Variants in BBS9 observed in about 807,000 individuals in gnomAD.
BBS9 encodes protein PTHB1.
BBS9 carries 89 observed loss-of-function variants against 117.7 expected under a neutral mutation model. The ratio of observed to expected loss-of-function variants is 0.76; its 90% CI spans 0.64 to 0.90. The LOEUF (loss-of-function observed/expected upper bound fraction) is 0.90. BBS9 is among the 40% of genes least tolerant of loss of function. BBS9 has a pLI of 0.00. For synonymous variants in BBS9, 379 were observed against 370.9 expected (o/e 1.02, Z -0.25); for missense variants, 982 against 1,042.2 (o/e 0.94, Z 0.80).
chr7:33,198,983 C>G (rs1326096245), intron 5 of BBS9, among the ~76,000 whole-genome samples: 1 of 151,944 alleles, frequency 6.6e-6, no homozygotes, highest in African/African-American at 2.4e-5. Context: ...TAACTTTTGC[C>G]TTTCAATGAA....
chr7:33,239,061 T>C lies in BBS9; in HGVS notation c.443-18175T>C, dbSNP rs570157264. On this transcript the variant is annotated intron_variant, in intron 5 of 22. Transcript: ENST00000242067. ...GACGCATACTTTAAATTGTCTTATG[T>C]CACAGAGATGGGCTTAATTTATGTT... is the stretch of plus-strand genomic sequence containing the variant. Among the ~76,000 whole-genome samples the C allele has an allele frequency of 1.5e-3, 229 of 152,322 alleles. 1 individual carries two copies. Among genetic ancestry groups the C allele is most frequent in the African/African-American group, 5.2e-3 (216 of 41,574 alleles).
chr7:33,437,984 A>C lies in BBS9; in HGVS notation c.2115+49840A>C, dbSNP rs534631076. On this transcript the variant is annotated intron_variant, in intron 19 of 22. Coordinates refer to ENST00000242067, the MANE Select transcript of BBS9 (RefSeq NM_198428.3). ...CATGGTGTTAAGTTTTGAAATATAG[A>C]AATGAAAAACACATAGGCTCTCTTT... 1.4e-4 allele frequency among the ~76,000 whole-genome samples: 21 copies of C among 152,330 alleles called. 1 individual carries two copies. In the South Asian group the frequency reaches 4.4e-3, roughly 32 times the overall value.
intron 19 of BBS9, among the ~76,000 whole-genome samples, chr7:33,476,124 T>C (rs1410743491): frequency 6.6e-6 from 1 of 152,242 alleles, no homozygotes; most frequent in East Asian, 1.9e-4. Flanking sequence ...TATAACATTT[T>C]GTAAAATTCT....
intron 21 of BBS9, among the ~76,000 whole-genome samples, chr7:33,545,923 C>A (rs1853263789): frequency 9.4e-6 from 1 of 106,858 alleles, no homozygotes; most frequent in Non-Finnish European, 1.8e-5. Flanking sequence ...GCTTTATAAT[C>A]CTTTTTTTTT....
intron 19 of BBS9, among the ~76,000 whole-genome samples, chr7:33,407,980 A>T (rs1257393512): frequency 1.3e-5 from 2 of 152,182 alleles, no homozygotes; most frequent in African/African-American, 2.4e-5. Flanking sequence ...TCAGACAGGG[A>T]CATTTAAGTC....
chr7:33,559,303 C>A (rs1462979129), intron 21 of BBS9, among the ~76,000 whole-genome samples: 1 of 152,144 alleles, frequency 6.6e-6, no homozygotes, highest in East Asian at 1.9e-4. Flanking sequence ...AAGTGGAACT[C>A]TGTAACTCTT....
intron 9 of BBS9, among the ~76,000 whole-genome samples, chr7:33,332,421 G>A (rs1563012176): frequency 6.6e-6 from 1 of 152,214 alleles, no homozygotes; most frequent in Admixed American, 6.5e-5. Flanking sequence ...GCTCACGCCT[G>A]TAATCCCAGC....
chr7:33,401,343 C>T (rs1399860264), intron 19 of BBS9, among the ~76,000 whole-genome samples: 3 of 152,114 alleles, frequency 2.0e-5, no homozygotes, highest in East Asian at 3.8e-4. Context: ...TGCCTGTTGA[C>T]AAAAAGAATC....
chr7:33,155,777 T>C, intron 4 of BBS9, 75 bp downstream of exon 4: 1 of 826,000 alleles, frequency 1.2e-6, no homozygotes, highest in South Asian at 1.5e-5. Flanking sequence ...AGATATTCCC[T>C]AGTGCTGACT....
intron 5 of BBS9, among the ~76,000 whole-genome samples, chr7:33,195,441 A>G (rs1784787653): frequency 6.6e-6 from 1 of 152,110 alleles, no homozygotes. Flanking sequence ...ATAGTGGTAA[A>G]GTGAGGGTGA....
At chr7:33,131,299 C>T (rs1341901102) in intron 1 of BBS9, among the ~76,000 whole-genome samples, 1 of 152,142 alleles carries the variant, frequency 6.6e-6, no homozygotes, top group Non-Finnish European at 1.5e-5. Flanking sequence ...TTTTATCCTC[C>T]TCCACCCTAG....
At chr7:33,373,546 A>G (rs948475482) in intron 17 of BBS9, among the ~76,000 whole-genome samples, 2 of 152,170 alleles carry the variant, frequency 1.3e-5, no homozygotes, top group Non-Finnish European at 1.5e-5. Flanking sequence ...TGGAATGCCA[A>G]ACTGCTTAAG....
rs562032183 is a variant in BBS9, at chr7:33,365,959, G to A, written c.1694-1808G>A. Among the ~76,000 whole-genome samples, 10 of 152,276 alleles carry A rather than the reference G, an allele frequency of 6.6e-5. No homozygotes were observed. The South Asian group carries it at 2.1e-3, about 32-fold the overall frequency. ...CCTCGGGTGTGAGCTGGCTCACTCT[G>A]GTGGTAGCTCTGGTATCTGAGACAT... On this transcript the variant is annotated intron_variant, in intron 16 of 22. Transcript: ENST00000242067.
intron 5 of BBS9, among the ~76,000 whole-genome samples, chr7:33,230,139 T>G (rs1304370172): frequency 6.6e-6 from 1 of 152,214 alleles, no homozygotes; most frequent in Non-Finnish European, 1.5e-5. Context: ...AAGTTCTTTA[T>G]AAATTTTGGA....
chr7:33,131,024 G>A (rs184430464), intron 1 of BBS9, among the ~76,000 whole-genome samples: 201 of 151,026 alleles, frequency 1.3e-3, no homozygotes, highest in African/African-American at 4.7e-3. Flanking sequence ...AAATATTTTT[G>A]AAAATTATTA....
chr7:33,379,801 G>C (rs2128740874), intron 17 of BBS9, among the ~76,000 whole-genome samples: 1 of 152,250 alleles, frequency 6.6e-6, no homozygotes, highest in East Asian at 1.9e-4. Context: ...ATTGTTTTAA[G>C]TGTTTTATTT....
intron 5 of BBS9, among the ~76,000 whole-genome samples, chr7:33,251,757 T>C (rs1796257772): frequency 6.6e-6 from 1 of 152,224 alleles, no homozygotes; most frequent in Admixed American, 6.5e-5. Context: ...AGTTACTCCA[T>C]CTTGCAGATA....
intron 5 of BBS9, among the ~76,000 whole-genome samples, chr7:33,198,682 T>C (rs1045805917): frequency 6.6e-6 from 1 of 152,018 alleles, no homozygotes; most frequent in African/African-American, 2.4e-5. Flanking sequence ...AGGAGGACTT[T>C]TTTTCAATAA....
intron 16 of BBS9, 91 bp downstream of exon 16, chr7:33,358,086 A>T: frequency 6.7e-7 from 1 of 1,485,900 alleles, no homozygotes; most frequent in South Asian, 1.1e-5. Context: ...TGGGGTAATT[A>T]TCAGATAATT....
Sources: allele counts gnomAD v4.1 joint callset (sites outside exome capture counted in the v4.1 genomes callset), GRCh38; gene constraint gnomAD v4.1.1; transcripts MANE v1.5; gene names NCBI Gene and HGNC (gene_info 2026-07-23, HGNC 2026-07-21).